UMODL1: variants seen among roughly 807,000 people sequenced by gnomAD.
UMODL1 encodes the protein uromodulin-like 1.
In UMODL1, 128 loss-of-function variants were observed where a neutral mutation model predicts 136.3. The ratio of observed to expected loss-of-function variants is 0.94; its 90% CI spans 0.81 to 1.09. The LOEUF is 1.09. Ranked by LOEUF, UMODL1 falls within the 50% of genes least tolerant of loss-of-function variation. The pLI, the probability that UMODL1 is intolerant of heterozygous loss-of-function variation, is 0.00. For synonymous variants in UMODL1, 721 were observed against 720.0 expected, an observed-to-expected ratio of 1.00 and a Z score of -0.02; for missense variants, 1,766 against 1,725.6, an observed-to-expected ratio of 1.02 and a Z score of -0.41.
In UMODL1 at chr21:42,090,413, A is replaced by G; in HGVS notation, c.906A>G (p.Pro302=). 5 of 1,613,962 alleles carry G rather than the reference A, an allele frequency of 3.1e-6. No homozygotes were observed. Among genetic ancestry groups the G allele is most frequent in the Non-Finnish European group, 4.2e-6 (5 of 1,179,904 alleles). ...VCHQEAPATS[P]RKLNLEWEDC... ...ACCAGGAAGCTCCAGCCACGTCTCC[A>G]CGGAAGCTGAACCTGGAGTGGGAAG... The change falls in exon 6 of 23, where the codon CCA becomes CCG. Residue 302 remains proline (P), a synonymous_variant. Coordinates refer to ENST00000408910, the MANE Select transcript of UMODL1 (RefSeq NM_001004416.3).
At chr21:42,083,327 C>T (rs1227479523) in intron 2 of UMODL1, among the ~76,000 whole-genome samples, 1 of 152,204 alleles carries the variant, frequency 6.6e-6, no homozygotes, top group African/African-American at 2.4e-5. Context: ...GCCTGGGAGC[C>T]TTCCTGAAGC....
intron 6 of UMODL1, among the ~76,000 whole-genome samples, chr21:42,097,907 T>A (rs58428583): frequency 0.02 from 3,073 of 152,256 alleles, 100 homozygotes; most frequent in African/African-American, 0.069. Flanking sequence ...GGCATGGATT[T>A]CAATAGGAAA....
At chr21:42,110,535 A>G (rs2066806286) in intron 10 of UMODL1, among the ~76,000 whole-genome samples, 1 of 152,194 alleles carries the variant, frequency 6.6e-6, no homozygotes, top group Admixed American at 6.5e-5. Context: ...TCTGGGGGAA[A>G]TTGTCCCATT....
At chr21:42,102,879 A>T (rs2146479294) in intron 8 of UMODL1, 1 of 153,082 alleles carries the variant, frequency 6.5e-6, no homozygotes, top group Middle Eastern at 3.4e-3. Flanking sequence ...GGAAGACTGT[A>T]TTACTCCAGC....
chr21:42,140,191 G>T (rs555874008), intron 22 of UMODL1, among the ~76,000 whole-genome samples: 18 of 152,240 alleles, frequency 1.2e-4, no homozygotes, highest in Admixed American at 4.6e-4. Flanking sequence ...CGACGAAGAG[G>T]GGGTGGGCTG....
intron 14 of UMODL1, among the ~76,000 whole-genome samples, chr21:42,117,778 A>G (rs2066919731): frequency 6.6e-6 from 1 of 152,210 alleles, no homozygotes; most frequent in Non-Finnish European, 1.5e-5. Context: ...ATGTGATTTC[A>G]TTGATAAGGT....
chr21:42,090,666 C>A (rs1282695054), intron 6 of UMODL1, among the ~76,000 whole-genome samples: 1 of 152,178 alleles, frequency 6.6e-6, no homozygotes, highest in Non-Finnish European at 1.5e-5. Context: ...TTTCCATTTA[C>A]AAAATATAGT....
intron 14 of UMODL1, among the ~76,000 whole-genome samples, chr21:42,116,441 C>T (rs183311280): frequency 1.3e-3 from 199 of 152,206 alleles, no homozygotes; most frequent in African/African-American, 4.7e-3. Context: ...GAAGCCAGGA[C>T]GTTAAGCTCT....
intron 6 of UMODL1, among the ~76,000 whole-genome samples, chr21:42,091,619 G>A (rs937007034): frequency 4.6e-5 from 7 of 152,248 alleles, no homozygotes; most frequent in Non-Finnish European, 8.8e-5. Flanking sequence ...TTAATTCAGT[G>A]AAGAAGAGGA....
chr21:42,092,706 C>A (rs560818530), intron 6 of UMODL1, among the ~76,000 whole-genome samples: 4 of 152,336 alleles, frequency 2.6e-5, no homozygotes, highest in African/African-American at 9.6e-5. Flanking sequence ...AGGGACTCAA[C>A]ATTGAGGACC....
In UMODL1 at chr21:42,111,359, C is replaced by A. The variant is rs752791762; in HGVS notation, c.1900-147C>A. 3.1e-6 allele frequency: 5 copies of A among 1,610,254 alleles called. No individual in the cohort carries two copies. The African/African-American group carries it at 4.0e-5, about 13-fold the overall frequency. ...CCAGGGGAGCCCCAGCCAGGAGAGC[C>A]CCAGCCAGGGGAGCACCAGCCAGGC... On this transcript the variant is annotated intron_variant, in intron 11 of 22. Coordinates refer to ENST00000408910, the MANE Select transcript of UMODL1 (RefSeq NM_001004416.3).
At chr21:42,137,413 T>C in intron 21 of UMODL1, 26 bp from the exon 22 acceptor site, 12 of 1,613,000 alleles carry the variant, frequency 7.4e-6, no homozygotes, top group Non-Finnish European at 1.0e-5. Context: ...TGCAGATCTC[T>C]CACCTGTGCC....
intron 21 of UMODL1, among the ~76,000 whole-genome samples, chr21:42,132,573 CATCT>C (rs2067148679): frequency 6.6e-6 from 1 of 151,964 alleles, no homozygotes; most frequent in Admixed American, 6.6e-5. Flanking sequence ...ATCATCCATC[CATCT>C]GTTCATTAAT....
At chr21:42,137,348 T>A (rs1390430657) in intron 21 of UMODL1, 91 bp from the exon 22 acceptor site, 5 of 1,496,672 alleles carry the variant, frequency 3.3e-6, no homozygotes, top group Non-Finnish European at 4.6e-6. Context: ...GTGCTTCAGA[T>A]CCATCAGCCC....
At chr21:42,094,089 G>C (rs2066525002) in intron 6 of UMODL1, 2 of 392,552 alleles carry the variant, frequency 5.1e-6, no homozygotes, top group Non-Finnish European at 1.0e-5. Context: ...TTCTATTTAC[G>C]GTTAGGTTTG....
At chr21:42,132,194 C>G (rs576192864) in intron 21 of UMODL1, among the ~76,000 whole-genome samples, 1 of 152,170 alleles carries the variant, frequency 6.6e-6, no homozygotes, top group African/African-American at 2.4e-5. Context: ...ATCATCCATC[C>G]ATCCATTCAT....
chr21:42,107,529 C>A (rs970339653), intron 9 of UMODL1, among the ~76,000 whole-genome samples: 3 of 152,220 alleles, frequency 2.0e-5, no homozygotes, highest in Admixed American at 2.0e-4. Flanking sequence ...GCCAGGCTAA[C>A]CTACTGCAGG....
Position 42,123,679 on chromosome 21 carries a change from T to A in UMODL1, c.3147+529T>A, listed in dbSNP as rs1482635758. Among the ~76,000 whole-genome samples, 22 of 151,850 alleles carry A rather than the reference T, an allele frequency of 1.4e-4. No homozygotes were observed. Among genetic ancestry groups the A allele is most frequent in the Admixed American group, 1.4e-3 (22 of 15,226 alleles). ...TATCGCGTGCTTGTGTGCGTGTGGGTGTGCATGCATGTATGAATGTGTGAG... is the reference window on the plus strand; with the variant it reads ...TATCGCGTGCTTGTGTGCGTGTGGGAGTGCATGCATGTATGAATGTGTGAG... On this transcript the variant is annotated intron_variant, in intron 17 of 22. Coordinates refer to ENST00000408910, the MANE Select transcript of UMODL1 (RefSeq NM_001004416.3). This position sits in a 1 kb window ranked among gnomAD's most constrained non-coding sequence, Gnocchi z 4.4.
intron 5 of UMODL1, 49 bp downstream of exon 5, chr21:42,088,529 T>C (rs2066454386): frequency 6.5e-7 from 1 of 1,528,634 alleles, no homozygotes; most frequent in African/African-American, 1.4e-5. Flanking sequence ...GGGTGGTGCC[T>C]GAACAGCCAA....
Sources: gnomAD v4.1 joint callset for allele counts (sites outside exome capture counted in the v4.1 genomes callset) on GRCh38, gnomAD v4.1.1 for gene constraint, Gnocchi (gnomAD v3.1) non-coding constraint, MANE v1.5 for transcripts, NCBI Gene and HGNC (gene_info 2026-07-23, HGNC 2026-07-21) for gene names.